The following VSIG4 variants were observed in gnomAD, a reference collection of about 807,000 sequenced individuals.
VSIG4 encodes the protein V-set and immunoglobulin domain-containing protein 4.
VSIG4 carries 34 observed loss-of-function variants against 23.4 expected under a neutral mutation model. The observed-to-expected ratio is 1.45, with a 90% CI of 1.10 to 1.93. The LOEUF is 1.93. Ranked by LOEUF, VSIG4 falls within the 30% of genes most tolerant of loss-of-function variation. The pLI, the probability that VSIG4 is intolerant of heterozygous loss-of-function variation, is 0.00. For synonymous variants in VSIG4, 169 were observed against 120.3 expected (o/e 1.41, Z -2.65); for missense variants, 433 against 310.8 (o/e 1.39, Z -2.96).
In VSIG4 at chrX:66,032,761, A is replaced by G; in HGVS notation, c.413-12T>C. 1 of 1,205,994 alleles carries G rather than the reference A, an allele frequency of 8.3e-7. No homozygotes were observed. Among genetic ancestry groups the G allele is most frequent in the Middle Eastern group, 2.3e-4 (1 of 4,297 alleles). ...CTTGGAGACAGAGACTGCAAAGAAA[A>G]GACAAGACAGGAAACTCTGGGCAGT... On this transcript the variant is annotated splice_polypyrimidine_tract_variant and intron_variant, in intron 2 of 7. Coordinates refer to ENST00000374737, the MANE Select transcript of VSIG4 (RefSeq NM_007268.3).
At chrX:66,038,812 G>A (rs1374561369) in intron 1 of VSIG4, among the ~76,000 whole-genome samples, 1 of 111,296 alleles carries the variant, frequency 9.0e-6, no homozygotes, top group African/African-American at 3.3e-5. Context: ...GGGTCACAGA[G>A]CCCCAGGATA....
intron 1 of VSIG4, 118 bp downstream of exon 1, chrX:66,039,826 G>A: frequency 1.2e-6 from 1 of 835,699 alleles, no homozygotes; most frequent in Non-Finnish European, 1.7e-6. Context: ...TGCAGAGTTT[G>A]GCTGAGAAGA....
In VSIG4 at chrX:66,022,097, C is replaced by T. The variant is rs1197919758; in HGVS notation, c.*166G>A. On this transcript the variant is annotated 3_prime_UTR_variant, in exon 8 of 8. Transcript: ENST00000374737. ...TCCAGCAGCTGGCTTACTTGAGATGCATCTGGCAAATTCCAGGGCAAAGCC... is the reference window on the plus strand; with the variant it reads ...TCCAGCAGCTGGCTTACTTGAGATGTATCTGGCAAATTCCAGGGCAAAGCC... 3 of 1,170,246 alleles carry T rather than the reference C, an allele frequency of 2.6e-6. No homozygotes were observed. Among genetic ancestry groups the T allele is most frequent in the Admixed American group, 5.1e-5 (2 of 39,245 alleles).
At chrX:66,036,800 A>G (rs1402236716) in intron 1 of VSIG4, among the ~76,000 whole-genome samples, 2 of 40,305 alleles carry the variant, frequency 5.0e-5, no homozygotes, top group Admixed American at 1.0e-3. Flanking sequence ...AATATAATAT[A>G]TTATATAATA....
At chrX:66,034,772 TG>T (rs1373356117) in intron 1 of VSIG4, among the ~76,000 whole-genome samples, 2 of 27,442 alleles carry the variant, frequency 7.3e-5, no homozygotes, top group African/African-American at 5.1e-4. Flanking sequence ...GGGATGGGGG[TG>T]GGGGTGGGGA....
Position 66,033,601 on chromosome X carries a change from A to G in VSIG4, c.285T>C (p.Asp95=). 2 of 1,211,423 alleles carry G rather than the reference A, an allele frequency of 1.7e-6. No homozygotes were observed. Among genetic ancestry groups the G allele is most frequent in the Non-Finnish European group, 2.2e-6 (2 of 895,387 alleles). ...CCAGGGTGCTCAATTGGAGGGATACATCTCCTGGAACCTTGTGGCTCACAT... is the reference window on the plus strand; with the variant it reads ...CCAGGGTGCTCAATTGGAGGGATACGTCTCCTGGAACCTTGTGGCTCACAT... ...RLHVSHKVPG[D]VSLQLSTLEM... Residue 95 remains aspartate, a synonymous_variant, in exon 2 of 8, where the codon GAT becomes GAC. Coordinates refer to ENST00000374737, the MANE Select transcript of VSIG4 (RefSeq NM_007268.3).
At chrX:66,038,283 A>T (rs764945277) in intron 1 of VSIG4, among the ~76,000 whole-genome samples, 2 of 110,997 alleles carry the variant, frequency 1.8e-5, no homozygotes, top group African/African-American at 3.3e-5. Flanking sequence ...AGACCAGTCA[A>T]GTCAACCTCC....
chrX:66,033,639 G>C lies in VSIG4; in HGVS notation c.247C>G (p.Gln83Glu). The C allele has an allele frequency of 8.3e-7, 1 of 1,211,479 alleles. No homozygotes were observed. Among genetic ancestry groups the C allele is most frequent in the Non-Finnish European group, 1.1e-6 (1 of 895,393 alleles). Residue 83 changes from glutamine (Q) to glutamate (E), a missense_variant, in exon 2 of 8, where the codon CAG becomes GAG. Coordinates refer to ENST00000374737, the MANE Select transcript of VSIG4 (RefSeq NM_007268.3). ...TTGTGGCTCACATGCAGGCGGCCCT[G>C]GTACTTTGCCTGCTGGATATGGTCT... ...SGDHIQQAKYQGRLHVSHKVP... is the reference protein window; with the variant it reads ...SGDHIQQAKYEGRLHVSHKVP...
intron 5 of VSIG4, among the ~76,000 whole-genome samples, chrX:66,026,606 CA>C (rs1328575661): frequency 1.8e-5 from 2 of 111,533 alleles, no homozygotes; most frequent in East Asian, 2.8e-4. Flanking sequence ...AAGGGATAGC[CA>C]AAAAACTCTG....
chrX:66,022,179 A>G lies in VSIG4; in HGVS notation c.*84T>C. ...CGGACACTTTGGGCTATCCAGGAAGAGAGGTAGCAGGGAAGAAGGCCATGC... is the reference window on the plus strand; with the variant it reads ...CGGACACTTTGGGCTATCCAGGAAGGGAGGTAGCAGGGAAGAAGGCCATGC... On this transcript the variant is annotated 3_prime_UTR_variant, in exon 8 of 8. Transcript: ENST00000374737. The G allele has an allele frequency of 8.3e-7, 1 of 1,209,593 alleles. No individual in the cohort carries two copies. Among genetic ancestry groups the G allele is most frequent in the Non-Finnish European group, 1.1e-6 (1 of 894,375 alleles).
At chrX:66,026,027 C>T (rs747123754) in intron 5 of VSIG4, among the ~76,000 whole-genome samples, 1 of 112,206 alleles carries the variant, frequency 8.9e-6, no homozygotes, top group South Asian at 3.7e-4. Flanking sequence ...TAAGTTTTTA[C>T]AGCAGCCATG....
At chrX:66,032,325 G>GT in intron 3 of VSIG4, 143 bp downstream of exon 3, 28 of 756,039 alleles carry the variant, frequency 3.7e-5, no homozygotes, top group East Asian at 6.9e-5. Flanking sequence ...CCCAGTCCAA[G>GT]TTTTTTTTCT....
chrX:66,023,534 C>A (rs763200420), intron 6 of VSIG4, among the ~76,000 whole-genome samples: 2 of 112,555 alleles, frequency 1.8e-5, no homozygotes, highest in Admixed American at 1.9e-4. Flanking sequence ...GGACTTCTGC[C>A]TTATGGTAGA....
In VSIG4 at chrX:66,032,759, A is replaced by C. The variant is rs142681306; in HGVS notation, c.413-10T>G. On this transcript the variant is annotated splice_polypyrimidine_tract_variant and intron_variant, in intron 2 of 7. Transcript: ENST00000374737. The stretch of plus-strand genomic sequence containing the variant: ...GGCTTGGAGACAGAGACTGCAAAGA[A>C]AAGACAAGACAGGAAACTCTGGGCA... The C allele has an allele frequency of 1.1e-3, 1,316 of 1,205,301 alleles. 12 individuals are homozygous for C. In the East Asian group the frequency reaches 0.026, roughly 24 times the overall value.
intron 1 of VSIG4, among the ~76,000 whole-genome samples, chrX:66,035,396 C>T (rs149517237): frequency 4.7e-3 from 521 of 111,855 alleles, no homozygotes; most frequent in Non-Finnish European, 8.3e-3. Context: ...TGCCTTAGAA[C>T]GAACTTTGTG....
chrX:66,037,811 T>TACTTATTGCTGATAAGTATATAC (rs2085635498), intron 1 of VSIG4, among the ~76,000 whole-genome samples: 1 of 106,145 alleles, frequency 9.4e-6, no homozygotes, highest in Non-Finnish European at 1.9e-5. Context: ...TAAGTATATA[T>TACTTATTGCTGATAAGTATATAC]ACAGTATTGA....
chrX:66,036,560 A>C lies in VSIG4; in HGVS notation c.56-2730T>G, dbSNP rs2085543397. ...CCTATCTGAACTTTGAGTCACTATCAGTAAAGTGGAAGTAATAATAAAGGA... is the reference window on the plus strand; with the variant it reads ...CCTATCTGAACTTTGAGTCACTATCCGTAAAGTGGAAGTAATAATAAAGGA... On this transcript the variant is annotated intron_variant, in intron 1 of 7. Transcript: ENST00000374737. 4.2e-5 allele frequency among the ~76,000 whole-genome samples: 4 copies of C among 94,267 alleles called. No individual in the cohort carries two copies. In the South Asian group the frequency reaches 1.8e-3, roughly 43 times the overall value. 81.9% of individuals were successfully genotyped at this position (94,267 alleles called of 115,157 possible).
intron 3 of VSIG4, among the ~76,000 whole-genome samples, chrX:66,032,081 C>T (rs2085470251): frequency 9.0e-6 from 1 of 111,636 alleles, no homozygotes; most frequent in African/African-American, 3.3e-5. Context: ...TACTTCCTTG[C>T]TGTGAGACCA....
intron 5 of VSIG4, among the ~76,000 whole-genome samples, chrX:66,026,185 G>A (rs1163278474): frequency 1.8e-5 from 2 of 111,576 alleles, no homozygotes; most frequent in East Asian, 5.6e-4. Flanking sequence ...GGGGGATAGA[G>A]AGGCGTGAGG....
Sources: gnomAD v4.1 joint callset for allele counts (sites outside exome capture counted in the v4.1 genomes callset) on GRCh38, gnomAD v4.1.1 for gene constraint, MANE v1.5 for transcripts, NCBI Gene and HGNC (gene_info 2026-07-23, HGNC 2026-07-21) for gene names.